DLEU7: variants seen among roughly 807,000 people sequenced by gnomAD.
DLEU7 encodes the protein leukemia-associated protein 7.
DLEU7 carries 17 observed loss-of-function variants against 16.0 expected under a neutral mutation model. That is an observed-to-expected ratio of 1.06 (90% CI 0.73 to 1.59). The LOEUF (loss-of-function observed/expected upper bound fraction) is 1.59. Among genes scored for constraint, DLEU7 ranks in the 40% most tolerant of loss-of-function variants. The probability of loss-of-function intolerance (pLI) is 0.00; values close to 1 mark genes in which losing one functional copy is unlikely to be tolerated. For missense variants in DLEU7, 308 were observed against 314.9 expected (o/e 0.98, Z 0.17); for synonymous variants, 113 against 139.8 (o/e 0.81, Z 1.35).
chr13:50,831,294 AG>A (rs1319543845), intron 1 of DLEU7, among the ~76,000 whole-genome samples: 1 of 152,188 alleles, frequency 6.6e-6, no homozygotes, highest in Non-Finnish European at 1.5e-5. Flanking sequence ...ACAAAAGTGG[AG>A]GCCATCAGTA....
chr13:50,747,250 G>C (rs1030887419), intron 1 of DLEU7, among the ~76,000 whole-genome samples: 2 of 151,908 alleles, frequency 1.3e-5, no homozygotes, highest in Non-Finnish European at 2.9e-5. Context: ...AGTGGACTTT[G>C]TGTGTAAAAC....
chr13:50,737,322 C>T (rs1471641797), intron 1 of DLEU7, among the ~76,000 whole-genome samples: 1 of 152,078 alleles, frequency 6.6e-6, no homozygotes, highest in Non-Finnish European at 1.5e-5. Flanking sequence ...ATCAGTTTAA[C>T]ATTTGAAATT....
chr13:50,826,075 G>A (rs1341691724), intron 1 of DLEU7, among the ~76,000 whole-genome samples: 1 of 140,910 alleles, frequency 7.1e-6, no homozygotes, highest in African/African-American at 2.7e-5. Context: ...TGTTCTCATT[G>A]TTCAATTCCC....
intron 1 of DLEU7, among the ~76,000 whole-genome samples, chr13:50,834,969 C>T (rs1877404429): frequency 6.8e-6 from 1 of 147,934 alleles, no homozygotes; most frequent in African/African-American, 2.5e-5. Context: ...TGCATGTTCT[C>T]ACTCATAAGT....
chr13:50,734,136 G>A (rs572469417), intron 1 of DLEU7, among the ~76,000 whole-genome samples: 10 of 152,270 alleles, frequency 6.6e-5, no homozygotes, highest in Non-Finnish European at 7.4e-5. Flanking sequence ...ACTAGGCTCC[G>A]CAAATTAGGA....
At chr13:50,825,246 C>T (rs1198770373) in intron 1 of DLEU7, among the ~76,000 whole-genome samples, 1 of 152,078 alleles carries the variant, frequency 6.6e-6, no homozygotes, top group African/African-American at 2.4e-5. Flanking sequence ...CCAGTATGCA[C>T]CTTAAAAAAT....
chr13:50,750,362 G>A (rs1293302344), intron 1 of DLEU7, among the ~76,000 whole-genome samples: 2 of 152,150 alleles, frequency 1.3e-5, no homozygotes, highest in African/African-American at 4.8e-5. Context: ...TTGAAATCAG[G>A]TAGTGTGATG....
At chr13:50,736,751 T>C (rs764502926) in intron 1 of DLEU7, among the ~76,000 whole-genome samples, 2 of 148,658 alleles carry the variant, frequency 1.3e-5, no homozygotes, top group South Asian at 2.2e-4. Context: ...CTCAGAAAAA[T>C]TGATAAGCAC....
At chr13:50,764,516 AAAAGAATAATGGAATT>A (rs1486356535) in intron 1 of DLEU7, among the ~76,000 whole-genome samples, 2 of 152,368 alleles carry the variant, frequency 1.3e-5, no homozygotes, top group East Asian at 3.9e-4. Context: ...GCAGTGAGTC[AAAAGAATAATGGAATT>A]AAATAAGTTC....
chr13:50,842,079 G>A (rs191008726), intron 1 of DLEU7, among the ~76,000 whole-genome samples: 3 of 152,082 alleles, frequency 2.0e-5, no homozygotes, highest in East Asian at 1.9e-4. Flanking sequence ...GACAACCCCC[G>A]ACAACAAAGA....
intron 1 of DLEU7, among the ~76,000 whole-genome samples, chr13:50,805,588 ATC>A (rs1411330099): frequency 6.6e-6 from 1 of 152,060 alleles, no homozygotes; most frequent in African/African-American, 2.4e-5. Flanking sequence ...CCTTTTAAAT[ATC>A]TTTTTTATTT....
intron 1 of DLEU7, among the ~76,000 whole-genome samples, chr13:50,816,070 AATCTC>A (rs1304657011): frequency 2.0e-5 from 3 of 152,090 alleles, no homozygotes; most frequent in African/African-American, 7.2e-5. Context: ...CTCATTCATT[AATCTC>A]ATCTCAGCCC....
intron 1 of DLEU7, among the ~76,000 whole-genome samples, chr13:50,793,561 T>C (rs1175454945): frequency 6.6e-6 from 1 of 152,276 alleles, no homozygotes; most frequent in Non-Finnish European, 1.5e-5. Flanking sequence ...TGGTATGAAA[T>C]ATCTCATTAC....
At chr13:50,797,440 C>A (rs1876134969) in intron 1 of DLEU7, among the ~76,000 whole-genome samples, 2 of 152,276 alleles carry the variant, frequency 1.3e-5, no homozygotes, top group African/African-American at 4.8e-5. Flanking sequence ...CTTCAATCAC[C>A]AAGCAGCACG....
intron 1 of DLEU7, among the ~76,000 whole-genome samples, chr13:50,768,172 A>G (rs1875176558): frequency 1.3e-5 from 2 of 151,908 alleles, no homozygotes; most frequent in South Asian, 2.1e-4. Flanking sequence ...GGCAACAAAT[A>G]CTCTCAGGTT....
At chr13:50,720,568 C>T (rs1873574510) in intron 1 of DLEU7, among the ~76,000 whole-genome samples, 1 of 152,216 alleles carries the variant, frequency 6.6e-6, no homozygotes, top group South Asian at 2.1e-4. Flanking sequence ...GTTTTATTCT[C>T]ATGTTATTGT....
chr13:50,802,580 A>G (rs896799700), intron 1 of DLEU7, among the ~76,000 whole-genome samples: 2 of 152,182 alleles, frequency 1.3e-5, no homozygotes, highest in African/African-American at 4.8e-5. Context: ...AATTTTCTCC[A>G]TGGTTGTTCT....
In DLEU7 at chr13:50,769,637, T is replaced by G. The variant is rs567132830; in HGVS notation, c.460-56397A>C. Reference sequence around the variant, plus strand: ...TTTCTGAGGCCTCTGCTCTGTTCCATTGGTCTATATTTCTGTTTTGGTACC... The same window carrying G: ...TTTCTGAGGCCTCTGCTCTGTTCCAGTGGTCTATATTTCTGTTTTGGTACC... On this transcript the variant is annotated intron_variant, in intron 1 of 1. Transcript: ENST00000400393. Among the ~76,000 whole-genome samples the G allele has an allele frequency of 4.6e-5, 7 of 152,286 alleles. No individual in the cohort carries two copies. In the South Asian group the frequency reaches 1.5e-3, roughly 32 times the overall value.
At chr13:50,797,031 T>G (rs1198317252) in intron 1 of DLEU7, among the ~76,000 whole-genome samples, 1 of 152,136 alleles carries the variant, frequency 6.6e-6, no homozygotes, top group Non-Finnish European at 1.5e-5. Context: ...ATTCTGCAAT[T>G]GAAAATGAAG....
Sources: gnomAD v4.1 joint callset for allele counts (sites outside exome capture counted in the v4.1 genomes callset) on GRCh38, gnomAD v4.1.1 for gene constraint, MANE v1.5 for transcripts, NCBI Gene and HGNC (gene_info 2026-07-23, HGNC 2026-07-21) for gene names.